The following EPHB1 variants were observed in gnomAD, a reference collection of about 807,000 sequenced individuals.
EPHB1 encodes the protein ephrin type-B receptor 1.
In EPHB1, 30 loss-of-function variants were observed where a neutral mutation model predicts 94.4. The ratio of observed to expected loss-of-function variants is 0.32; its 90% CI spans 0.24 to 0.43. EPHB1 has a LOEUF of 0.43. Ranked by LOEUF, EPHB1 falls within the 20% of genes least tolerant of loss-of-function variation. The probability of loss-of-function intolerance (pLI) is 1.00; values close to 1 mark genes in which losing one functional copy is unlikely to be tolerated. For synonymous variants in EPHB1, 522 were observed against 489.1 expected (o/e 1.07, Z -0.89); for missense variants, 1,055 against 1,308.3 (o/e 0.81, Z 2.99).
At chr3:134,847,684 C>G (rs79516129) in intron 1 of EPHB1, among the ~76,000 whole-genome samples, 38,450 of 151,956 alleles carry the variant, frequency 0.25, 5,927 homozygotes, top group African/African-American at 0.44. Context: ...TGCATCCTCA[C>G]GAGTATCACA....
At chr3:135,083,884 G>A (rs1273336944) in intron 3 of EPHB1, among the ~76,000 whole-genome samples, 1 of 152,080 alleles carries the variant, frequency 6.6e-6, no homozygotes, top group Non-Finnish European at 1.5e-5. Context: ...TGAGCCCCTG[G>A]TTTACATGAG....
intron 3 of EPHB1, among the ~76,000 whole-genome samples, chr3:135,101,185 C>T (rs1253081517): frequency 6.6e-6 from 1 of 152,142 alleles, no homozygotes; most frequent in Non-Finnish European, 1.5e-5. Context: ...TCTCTTTCTA[C>T]CCACCTCCTG....
intron 9 of EPHB1, among the ~76,000 whole-genome samples, chr3:135,179,413 C>T (rs1406125402): frequency 6.6e-6 from 1 of 152,202 alleles, no homozygotes; most frequent in South Asian, 2.1e-4. Context: ...CCCTGCACCA[C>T]AGCCGTCAGT....
chr3:134,942,381 A>AG (rs1206210304), intron 2 of EPHB1, among the ~76,000 whole-genome samples: 1 of 152,210 alleles, frequency 6.6e-6, no homozygotes, highest in Non-Finnish European at 1.5e-5. Flanking sequence ...ACGAAACAGA[A>AG]GGGGAGGGCT....
intron 4 of EPHB1, among the ~76,000 whole-genome samples, chr3:135,130,354 C>T (rs548431045): frequency 6.6e-6 from 1 of 152,134 alleles, no homozygotes; most frequent in Non-Finnish European, 1.5e-5. Context: ...GAATTGTGTT[C>T]CCTGGATTTG....
chr3:135,183,251 C>CCTTA (rs1942235405), intron 10 of EPHB1, among the ~76,000 whole-genome samples: 5 of 116,072 alleles, frequency 4.3e-5, no homozygotes, highest in Non-Finnish European at 8.6e-5. Flanking sequence ...TCCCTTTCTT[C>CCTTA]CTTCCTTCCT....
chr3:134,852,198 G>C (rs1007824044), intron 1 of EPHB1, among the ~76,000 whole-genome samples: 1 of 151,544 alleles, frequency 6.6e-6, no homozygotes, highest in East Asian at 1.9e-4. Context: ...CTGCCTCAAT[G>C]TCCCCTCCTT....
chr3:135,198,500 T>A (rs1239544124), intron 11 of EPHB1, among the ~76,000 whole-genome samples: 2 of 152,182 alleles, frequency 1.3e-5, no homozygotes, highest in Admixed American at 1.3e-4. Flanking sequence ...CCCAACCATC[T>A]CCTACAATTA....
At chr3:135,251,603 A>C (rs533846389) in intron 15 of EPHB1, among the ~76,000 whole-genome samples, 1 of 152,368 alleles carries the variant, frequency 6.6e-6, no homozygotes, top group East Asian at 1.9e-4. Flanking sequence ...GAAACTGAGC[A>C]ACTTAATAAA....
Position 134,886,366 on chromosome 3 carries a change from A to G in EPHB1, c.59-39450A>G, listed in dbSNP as rs530577748. Among the ~76,000 whole-genome samples, 22 of 152,364 alleles carry G rather than the reference A, an allele frequency of 1.4e-4. No individual in the cohort carries two copies. In the South Asian group the frequency reaches 4.4e-3, roughly 30 times the overall value. On this transcript the variant is annotated intron_variant, in intron 1 of 15. Coordinates refer to ENST00000398015, the MANE Select transcript of EPHB1 (RefSeq NM_004441.5). ...AGGAAGTAACTGATTTCTTCTTACA[A>G]CAAACCCAGAAGTATGCTTTTTGAG...
chr3:134,943,399 G>A (rs541182595), intron 2 of EPHB1, among the ~76,000 whole-genome samples: 14 of 152,306 alleles, frequency 9.2e-5, no homozygotes, highest in East Asian at 3.9e-4. Context: ...ACTATATTCC[G>A]ACCAGGGCAT....
chr3:134,836,725 A>G (rs558510221), intron 1 of EPHB1, among the ~76,000 whole-genome samples: 2 of 152,260 alleles, frequency 1.3e-5, no homozygotes, highest in Non-Finnish European at 2.9e-5. Context: ...AACAACAAAT[A>G]CAAATCAGCT....
chr3:135,095,643 C>A (rs1048294876), intron 3 of EPHB1, among the ~76,000 whole-genome samples: 2 of 152,186 alleles, frequency 1.3e-5, no homozygotes, highest in African/African-American at 2.4e-5. Flanking sequence ...CCCCTCCAAG[C>A]GCTCAGCCTC....
intron 2 of EPHB1, among the ~76,000 whole-genome samples, chr3:134,949,009 A>C (rs970045510): frequency 6.6e-6 from 1 of 152,204 alleles, no homozygotes; most frequent in Non-Finnish European, 1.5e-5. Context: ...TGGGGATGTT[A>C]GTCTTTGGCA....
intron 2 of EPHB1, among the ~76,000 whole-genome samples, chr3:134,950,019 A>G (rs755493186): frequency 2.6e-5 from 4 of 152,190 alleles, no homozygotes; most frequent in Non-Finnish European, 5.9e-5. Context: ...ATTTTCTTTG[A>G]CCATTCAAAG....
intron 3 of EPHB1, among the ~76,000 whole-genome samples, chr3:135,038,335 G>A (rs547731877): frequency 1.2e-3 from 189 of 152,326 alleles, no homozygotes; most frequent in African/African-American, 3.8e-3. Flanking sequence ...CACTTTACCC[G>A]TTCCGAGTCT....
intron 3 of EPHB1, among the ~76,000 whole-genome samples, chr3:135,028,141 G>T (rs2107758376): frequency 6.8e-6 from 1 of 146,248 alleles, no homozygotes; most frequent in African/African-American, 2.5e-5. Flanking sequence ...CTTGCTAGCG[G>T]TCTATCAATT....
At chr3:135,003,352 C>A (rs1222134126) in intron 3 of EPHB1, among the ~76,000 whole-genome samples, 16 of 151,770 alleles carry the variant, frequency 1.1e-4, no homozygotes, top group East Asian at 5.8e-4. Flanking sequence ...GTTCTTTTAC[C>A]TTTGCTGAGG....
At chr3:134,981,226 G>C (rs1320403542) in intron 3 of EPHB1, among the ~76,000 whole-genome samples, 1 of 152,172 alleles carries the variant, frequency 6.6e-6, no homozygotes, top group Non-Finnish European at 1.5e-5. Flanking sequence ...TTTGTCATTA[G>C]ATCATCATGA....
Sources: allele counts gnomAD v4.1 joint callset (sites outside exome capture counted in the v4.1 genomes callset), GRCh38; gene constraint gnomAD v4.1.1; transcripts MANE v1.5; gene names NCBI Gene and HGNC (gene_info 2026-07-23, HGNC 2026-07-21).